The following CCDC88C variants were observed in gnomAD, a reference collection of about 807,000 sequenced individuals.
CCDC88C encodes coiled-coil and HOOK domain protein 88C.
A neutral mutation model predicts 198.8 loss-of-function variants in CCDC88C; 131 were observed. That is an observed-to-expected ratio of 0.66 (90% CI 0.57 to 0.76). The LOEUF is 0.76. CCDC88C is among the 30% of genes least tolerant of loss of function. The probability of loss-of-function intolerance (pLI) is 0.00; values close to 1 mark genes in which losing one functional copy is unlikely to be tolerated. For missense variants in CCDC88C, 2,553 were observed against 2,631.6 expected (o/e 0.97, Z 0.65); for synonymous variants, 1,166 against 1,114.7 (o/e 1.05, Z -0.92).
In CCDC88C at chr14:91,324,881, C is replaced by T; in HGVS notation, c.1240G>A (p.Glu414Lys). Residue 414 changes from glutamate to lysine, a missense_variant, in exon 12 of 30, where the codon GAA becomes AAA. This residue lies in a region of CCDC88C where 1,260 missense variants were observed against 1,412.0 expected (regional missense o/e 0.89). Transcript: ENST00000389857. Reference sequence around the variant, plus strand: ...TGTGCAATCTCAAGGACCATGTTTTCTTCCAGCAGCTCCTCAATTCGTTTC... The same window carrying T: ...TGTGCAATCTCAAGGACCATGTTTTTTTCCAGCAGCTCCTCAATTCGTTTC... ...DKKRIEELLEENMVLEIAQKQ... is the reference protein window; with the variant it reads ...DKKRIEELLEKNMVLEIAQKQ... 2 of 1,613,902 alleles carry T rather than the reference C, an allele frequency of 1.2e-6. No homozygotes were observed. Among genetic ancestry groups the T allele is most frequent in the Non-Finnish European group, 1.7e-6 (2 of 1,179,904 alleles).
chr14:91,285,905 A>C (rs1017588501), intron 25 of CCDC88C: 9 of 902,578 alleles, frequency 1.0e-5, no homozygotes, highest in African/African-American at 1.8e-5. Context: ...TGAAATGAAC[A>C]ATAATGACAA....
chr14:91,283,941 GACTC>G (rs1890303583), intron 25 of CCDC88C, among the ~76,000 whole-genome samples: 1 of 152,232 alleles, frequency 6.6e-6, no homozygotes, highest in Non-Finnish European at 1.5e-5. Flanking sequence ...CTGCTAACCT[GACTC>G]ACTAAGGACT....
intron 10 of CCDC88C, among the ~76,000 whole-genome samples, chr14:91,330,908 AGAG>A (rs1331494675): frequency 6.6e-6 from 1 of 152,078 alleles, no homozygotes; most frequent in Non-Finnish European, 1.5e-5. Context: ...GAGAAAGCCC[AGAG>A]GAGAAGCAGA....
At chr14:91,378,111 T>C (rs1884564060) in intron 3 of CCDC88C, among the ~76,000 whole-genome samples, 1 of 152,094 alleles carries the variant, frequency 6.6e-6, no homozygotes, top group Non-Finnish European at 1.5e-5. Flanking sequence ...CACACGCACA[T>C]GTGGAAATGA....
At chr14:91,347,150 T>G (rs1893579886) in intron 4 of CCDC88C, among the ~76,000 whole-genome samples, 1 of 152,174 alleles carries the variant, frequency 6.6e-6, no homozygotes, top group South Asian at 2.1e-4. Context: ...CCTGGTACTG[T>G]ACCCACCACA....
At chr14:91,319,623 T>C (rs920875266) in intron 13 of CCDC88C, among the ~76,000 whole-genome samples, 1 of 152,224 alleles carries the variant, frequency 6.6e-6, no homozygotes. Context: ...TGGGTCCCTA[T>C]TGCATGCTTT....
chr14:91,388,345 G>A (rs1214022382), intron 3 of CCDC88C, among the ~76,000 whole-genome samples: 1 of 152,204 alleles, frequency 6.6e-6, no homozygotes, highest in African/African-American at 2.4e-5. Context: ...TGTAAAATGA[G>A]GGGACTGGGC....
chr14:91,303,061 C>T (rs934207007), intron 20 of CCDC88C, among the ~76,000 whole-genome samples: 1 of 152,170 alleles, frequency 6.6e-6, no homozygotes, highest in African/African-American at 2.4e-5. Flanking sequence ...TGGGAAAGCT[C>T]AGGTGCCCCA....
Position 91,272,503 on chromosome 14 carries a change from G to T in CCDC88C, c.*122C>A. 1.0e-6 allele frequency: 1 copy of T among 994,918 alleles called. No homozygotes were observed. Among genetic ancestry groups the T allele is most frequent in the Non-Finnish European group, 1.5e-6 (1 of 675,118 alleles). 61.6% of individuals were successfully genotyped at this position (994,918 alleles called of 1,614,324 possible). ...TTCACAGAACAAACAGCAGAAATGC[G>T]TGGGAACCCCTTTCCTCATTCCAAA... On this transcript the variant is annotated 3_prime_UTR_variant, in exon 30 of 30. Coordinates refer to ENST00000389857, the MANE Select transcript of CCDC88C (RefSeq NM_001080414.4).
chr14:91,321,798 A>T (rs1005352700), intron 12 of CCDC88C, among the ~76,000 whole-genome samples: 2 of 152,206 alleles, frequency 1.3e-5, no homozygotes, highest in African/African-American at 4.8e-5. Context: ...GTCAGCCTGG[A>T]TGAGATGCTA....
Position 91,338,031 on chromosome 14 carries a change from C to G in CCDC88C, c.1024G>C (p.Val342Leu). ...TCCATGCGGGCCTTGTAGAAGTCCA[C>G]GTCGTGCAGCTTCTCCTTGCAGCGG... The part of the protein sequence containing the change: ...LTRCKEKLHD[V>L]DFYKARMEEL... Residue 342 changes from valine (V) to leucine (L), a missense_variant, in exon 10 of 30, where the codon GTG becomes CTG. Physicochemically the swap from Val to Leu is conservative, Grantham distance 32. Transcript: ENST00000389857. The surrounding 1 kb of genome is among the most constrained non-coding windows in gnomAD (Gnocchi z 4.8). The G allele has an allele frequency of 6.2e-7, 1 of 1,612,838 alleles. No individual in the cohort carries two copies. Among genetic ancestry groups the G allele is most frequent in the Non-Finnish European group, 8.5e-7 (1 of 1,179,876 alleles).
intron 3 of CCDC88C, chr14:91,384,508 T>G: frequency 1.9e-6 from 1 of 522,484 alleles, no homozygotes; most frequent in South Asian, 1.4e-5. Flanking sequence ...TTCCCCTTCC[T>G]CATCTGCTTC....
chr14:91,358,795 G>A (rs536278863), intron 4 of CCDC88C, among the ~76,000 whole-genome samples: 70 of 152,120 alleles, frequency 4.6e-4, no homozygotes, highest in Admixed American at 4.1e-3. Context: ...GAGCCACTGC[G>A]CTCGGCCTCA....
intron 3 of CCDC88C, among the ~76,000 whole-genome samples, chr14:91,367,441 C>T (rs1894593630): frequency 2.0e-5 from 3 of 152,206 alleles, no homozygotes; most frequent in South Asian, 2.1e-4. Context: ...ACGTCGGCTT[C>T]GCAGGTGCAC....
intron 10 of CCDC88C, among the ~76,000 whole-genome samples, chr14:91,327,488 A>G (rs929572604): frequency 3.9e-5 from 6 of 152,304 alleles, no homozygotes; most frequent in African/African-American, 1.4e-4. Context: ...CCTCAGAGGG[A>G]GGCAGGGACA....
At position 91,313,183 on chromosome 14, in the gene CCDC88C, C is replaced by T. The variant is rs376542800; in HGVS notation, c.2633G>A (p.Arg878His). 72 of 1,612,874 alleles carry T rather than the reference C, an allele frequency of 4.5e-5. No homozygotes were observed. Among genetic ancestry groups the T allele is most frequent in the African/African-American group, 8.0e-5 (6 of 75,054 alleles). ...CAGCTTGCCGGCTGCGTCCCTGCAGCGGGCCAGCTCCTTGTCCAGCGCGCG... is the reference window on the plus strand; with the variant it reads ...CAGCTTGCCGGCTGCGTCCCTGCAGTGGGCCAGCTCCTTGTCCAGCGCGCG... The part of the protein sequence containing the change: ...ESRALDKELA[R>H]CRDAAGKLKE... The change falls in exon 15 of 30, where the codon CGC (arginine) becomes CAC (histidine). Residue 878 changes from arginine (R) to histidine (H), a missense_variant. Around this residue, in one of 2 missense-constraint regions of CCDC88C, gnomAD observed 1,260 missense variants for 1,412.0 expected, o/e 0.89. Transcript: ENST00000389857. This position sits in a 1 kb window ranked among gnomAD's most constrained non-coding sequence, Gnocchi z 5.2.
At position 91,339,583 on chromosome 14, in the gene CCDC88C, G is replaced by A. The variant is rs988240127; in HGVS notation, c.625-121C>T. Reference sequence around the variant, plus strand: ...GATATTTCAGCGGAGACTAAGAAACGAGGAGGAAGGTGGGAAAAGGCTGGC... The same window carrying A: ...GATATTTCAGCGGAGACTAAGAAACAAGGAGGAAGGTGGGAAAAGGCTGGC... On this transcript the variant is annotated intron_variant, in intron 7 of 29. Coordinates refer to ENST00000389857, the MANE Select transcript of CCDC88C (RefSeq NM_001080414.4). The surrounding 1 kb of genome is among the most constrained non-coding windows in gnomAD (Gnocchi z 5.8). 5 of 1,007,892 alleles carry A rather than the reference G, an allele frequency of 5.0e-6. No homozygotes were observed. In the South Asian group the frequency reaches 6.8e-5, roughly 14 times the overall value. The allele number at this position is 1,007,892 out of a possible 1,614,324, so 62.4% of individuals were successfully genotyped here.
intron 3 of CCDC88C, among the ~76,000 whole-genome samples, chr14:91,384,713 T>C (rs1005742136): frequency 6.6e-6 from 1 of 152,186 alleles, no homozygotes; most frequent in Admixed American, 6.5e-5. Context: ...GCGGCTGCTC[T>C]ATGGTGCAGG....
At chr14:91,336,899 C>T (rs896331235) in intron 10 of CCDC88C, among the ~76,000 whole-genome samples, 3 of 152,224 alleles carry the variant, frequency 2.0e-5, no homozygotes, top group African/African-American at 7.2e-5. Flanking sequence ...GACAGCTCCA[C>T]GGCAGGGAGA....
Sources: allele counts gnomAD v4.1 joint callset (sites outside exome capture counted in the v4.1 genomes callset), GRCh38; gene constraint gnomAD v4.1.1; regional missense constraint gnomAD v4.1.1; non-coding constraint Gnocchi (gnomAD v3.1); transcripts MANE v1.5; gene names NCBI Gene and HGNC (gene_info 2026-07-23, HGNC 2026-07-21).